The following NUMA1 variants were observed in gnomAD, a reference collection of about 807,000 sequenced individuals.
NUMA1 encodes the protein SP-H antigen.
Under a neutral mutation model 237.1 loss-of-function variants are expected in NUMA1, and 62 were observed. The observed-to-expected ratio is 0.26, with a 90% CI of 0.21 to 0.32. The LOEUF (loss-of-function observed/expected upper bound fraction) is 0.32. Among genes scored for constraint, NUMA1 ranks in the 10% least tolerant of loss-of-function variants. The probability of loss-of-function intolerance (pLI) is 1.00; values close to 1 mark genes in which losing one functional copy is unlikely to be tolerated. For missense variants in NUMA1, 2,533 were observed against 2,666.5 expected, an observed-to-expected ratio of 0.95 and a Z score of 1.10; for synonymous variants, 1,028 against 1,066.1, an observed-to-expected ratio of 0.96 and a Z score of 0.70.
At chr11:72,031,972 T>TA (rs34502837) in intron 3 of NUMA1, among the ~76,000 whole-genome samples, 130 of 67,796 alleles carry the variant, frequency 1.9e-3, no homozygotes, top group African/African-American at 4.0e-3. Context: ...CCCAAAAAAT[T>TA]AAAAAAAAAA....
intron 2 of NUMA1, among the ~76,000 whole-genome samples, chr11:72,044,012 T>A (rs1287693787): frequency 6.6e-6 from 1 of 152,142 alleles, no homozygotes; most frequent in Non-Finnish European, 1.5e-5. Context: ...GTGCATACTA[T>A]GTACGCGACA....
rs1956485396 is a variant in NUMA1, at chr11:72,015,749, A to G, written c.1754T>C (p.Leu585Pro). Residue 585 changes from leucine (L) to proline (P), a missense_variant, in exon 15 of 27, where the codon CTG (leucine) becomes CCG (proline). Around this residue, in one of 3 missense-constraint regions of NUMA1, gnomAD observed 1,414 missense variants for 1,508.1 expected, o/e 0.94. Coordinates refer to ENST00000393695, the MANE Select transcript of NUMA1 (RefSeq NM_006185.4). This position sits in a 1 kb window ranked among gnomAD's most constrained non-coding sequence, Gnocchi z 4.0. ...EATRQDHAQQLATAAEEREAS... is the reference protein window; with the variant it reads ...EATRQDHAQQPATAAEEREAS... ...CTCTCGCTCCTCTGCAGCAGTGGCCAGTTGCTGGGCATGGTCCTGCCTAGT... is the reference window on the plus strand; with the variant it reads ...CTCTCGCTCCTCTGCAGCAGTGGCCGGTTGCTGGGCATGGTCCTGCCTAGT... 1 of 1,614,050 alleles carries G rather than the reference A, an allele frequency of 6.2e-7. No homozygotes were observed. The highest frequency in any genetic ancestry group is 1.3e-5 in the African/African-American group (1 of 74,920).
rs115875537 is a variant in NUMA1, at chr11:72,012,609, C to T, written c.4609-167G>A. ...GGCTGATTCTAATCCCCAGTGGCTC[C>T]TGAGGCATCCAGTGCAGGTGTGCCT... On this transcript the variant is annotated intron_variant, in intron 15 of 26. Coordinates refer to ENST00000393695, the MANE Select transcript of NUMA1 (RefSeq NM_006185.4). 4.3e-3 allele frequency among the ~76,000 whole-genome samples: 662 copies of T among 152,324 alleles called. 2 individuals carry two copies. The highest frequency in any genetic ancestry group is 0.015 in the African/African-American group (633 of 41,558).
At chr11:72,020,378 G>C (rs542698780) in intron 8 of NUMA1, 1 of 152,162 alleles carries the variant, frequency 6.6e-6, no homozygotes. Context: ...GCTAGAACTC[G>C]CCTAGACCTC....
intron 2 of NUMA1, among the ~76,000 whole-genome samples, chr11:72,040,383 CA>C (rs1174804761): frequency 1.3e-5 from 2 of 151,758 alleles, no homozygotes; most frequent in Non-Finnish European, 2.9e-5. Flanking sequence ...AAAAGAGCTG[CA>C]ATCAGGAACC....
intron 4 of NUMA1, among the ~76,000 whole-genome samples, chr11:72,025,445 CTGCTCTGGGAGGCT>C: frequency 6.6e-6 from 1 of 152,028 alleles, no homozygotes; most frequent in South Asian, 2.1e-4. Flanking sequence ...CCCTGGGATC[CTGCTCTGGGAGGCT>C]TTTGCCATCT....
rs1380547738 is a variant in NUMA1 at position 72,013,180 on chromosome 11, C to A, written c.4323G>T (p.Lys1441Asn). The A allele has an allele frequency of 1.9e-6, 3 of 1,613,090 alleles. No homozygotes were observed. In the African/African-American group the frequency reaches 4.0e-5, roughly 22 times the overall value. Residue 1441 changes from lysine to asparagine, a missense_variant, in exon 15 of 27, where the codon AAG becomes AAT. Lys to Asn is a moderately conservative substitution (Grantham distance 94, BLOSUM62 0). Transcript: ENST00000393695. The surrounding 1 kb of genome is among the most constrained non-coding windows in gnomAD (Gnocchi z 6.8). ...CCTCTGCCAGCAGGCCATGCGCCTT[C>A]TTCAGCATGCTCAGCTGCTCTGCAT... ...ASYAEQLSMLKKAHGLLAEEN... is the reference protein window; with the variant it reads ...ASYAEQLSMLNKAHGLLAEEN...
chr11:72,018,564 G>A (rs1249910447), intron 10 of NUMA1, 51 bp from the exon 11 acceptor site: 2 of 1,480,884 alleles, frequency 1.4e-6, no homozygotes, highest in East Asian at 2.3e-5. Context: ...ATGTGCATGA[G>A]CGGAACTATG....
intron 2 of NUMA1, among the ~76,000 whole-genome samples, chr11:72,042,921 C>T (rs190819828): frequency 1.6e-4 from 24 of 151,444 alleles, no homozygotes; most frequent in Admixed American, 3.3e-4. Flanking sequence ...GGAGACCAGC[C>T]GGGGCAACAT....
At chr11:72,017,251 T>C (rs1010835596) in intron 13 of NUMA1, 8 of 219,070 alleles carry the variant, frequency 3.7e-5, no homozygotes, top group South Asian at 1.2e-4. Flanking sequence ...AGTGGCCAAA[T>C]TGGGTTCTTA....
intron 3 of NUMA1, 63 bp downstream of exon 3, chr11:72,035,834 ACTCCT>A: frequency 6.8e-7 from 1 of 1,470,348 alleles, no homozygotes; most frequent in Non-Finnish European, 9.5e-7. Flanking sequence ...CTCCTACAAA[ACTCCT>A]CTCCTAACTC....
At chr11:72,023,043 C>A in intron 6 of NUMA1, 22 bp downstream of exon 6, 1 of 1,591,618 alleles carries the variant, frequency 6.3e-7, no homozygotes, top group Non-Finnish European at 8.6e-7. Flanking sequence ...CCTGCCTCCC[C>A]AGTCTGGTAT....
intron 4 of NUMA1, among the ~76,000 whole-genome samples, chr11:72,025,273 G>T (rs995658781): frequency 6.6e-6 from 1 of 152,152 alleles, no homozygotes; most frequent in African/African-American, 2.4e-5. Context: ...CATGAGGAGA[G>T]GGAGACAGCA....
chr11:72,060,777 TA>T (rs954660150), intron 2 of NUMA1, among the ~76,000 whole-genome samples: 2 of 151,226 alleles, frequency 1.3e-5, no homozygotes, highest in African/African-American at 4.9e-5. Flanking sequence ...CTACAAAAAA[TA>T]AAAAAAATTA....
Position 72,015,261 on chromosome 11 carries a change from C to T in NUMA1, c.2242G>A (p.Glu748Lys). 6.2e-7 allele frequency: 1 copy of T among 1,613,680 alleles called. No homozygotes were observed. Among genetic ancestry groups the T allele is most frequent in the Non-Finnish European group, 8.5e-7 (1 of 1,180,026 alleles). Residue 748 changes from glutamate (E) to lysine (K), a missense_variant, in exon 15 of 27, where the codon GAG becomes AAG. Coordinates refer to ENST00000393695, the MANE Select transcript of NUMA1 (RefSeq NM_006185.4). The surrounding 1 kb of genome is among the most constrained non-coding windows in gnomAD (Gnocchi z 4.0). ...TCCTTTCGTTCCCGCTTATGCTGCTCCACCAGGCTTCGGGTCTCTGCCTTC... is the reference window on the plus strand; with the variant it reads ...TCCTTTCGTTCCCGCTTATGCTGCTTCACCAGGCTTCGGGTCTCTGCCTTC... ...ELKAETRSLV[E>K]QHKRERKELE... is the part of the protein sequence containing the mutation.
chr11:72,040,199 A>G (rs558401287), intron 2 of NUMA1, among the ~76,000 whole-genome samples: 1 of 152,254 alleles, frequency 6.6e-6, no homozygotes, highest in East Asian at 1.9e-4. Flanking sequence ...CCTCCTCTTC[A>G]CACAGACCAC....
In NUMA1 at chr11:72,012,904, G is replaced by T; in HGVS notation, c.4599C>A (p.Leu1533=). 2.5e-6 allele frequency: 4 copies of T among 1,613,848 alleles called. No homozygotes were observed. The highest frequency in any genetic ancestry group is 3.4e-6 in the Non-Finnish European group (4 of 1,179,814). ...GGGCTGAGTACCTTACCTGGGCAGTGAGTTTCTGCCTCTCTTCCTGGAACC... is the reference window on the plus strand; with the variant it reads ...GGGCTGAGTACCTTACCTGGGCAGTTAGTTTCTGCCTCTCTTCCTGGAACC... ...RQRFQEERQK[L]TAQVEQLEVF... is the part of the protein sequence containing the mutation. Residue 1533 remains leucine, a synonymous_variant, in exon 15 of 27, where the codon CTC becomes CTA. Transcript: ENST00000393695.
intron 3 of NUMA1, among the ~76,000 whole-genome samples, chr11:72,035,345 G>A (rs1484999422): frequency 6.6e-6 from 1 of 151,934 alleles, no homozygotes; most frequent in African/African-American, 2.4e-5. Context: ...TAGATTAAAG[G>A]CCTTTGAAGA....
chr11:72,003,552 A>G lies in NUMA1; in HGVS notation c.6337-14T>C, dbSNP rs997761775. 1.2e-6 allele frequency: 2 copies of G among 1,614,032 alleles called. No homozygotes were observed. Among genetic ancestry groups the G allele is most frequent in the Non-Finnish European group, 1.7e-6 (2 of 1,180,002 alleles). ...TTAGTGCTTTGCCTGAAAGAGACAC[A>G]GTCACATGGCCAGATGAGAACTTGC... On this transcript the variant is annotated splice_polypyrimidine_tract_variant and intron_variant, in intron 26 of 26. Coordinates refer to ENST00000393695, the MANE Select transcript of NUMA1 (RefSeq NM_006185.4).
Sources: allele counts gnomAD v4.1 joint callset (sites outside exome capture counted in the v4.1 genomes callset), GRCh38; gene constraint gnomAD v4.1.1; regional missense constraint gnomAD v4.1.1; non-coding constraint Gnocchi (gnomAD v3.1); transcripts MANE v1.5; gene names NCBI Gene and HGNC (gene_info 2026-07-23, HGNC 2026-07-21).